The following ADAM29 variants were observed in gnomAD, a reference collection of about 807,000 sequenced individuals.
ADAM29 encodes the protein disintegrin and metalloproteinase domain-containing protein 29.
For missense variants in ADAM29, 969 were observed against 1,001.8 expected (o/e 0.97, Z 0.44); for synonymous variants, 367 against 342.3 (o/e 1.07, Z -0.80).
At chr4:174,923,525 G>GTGTATATATATATA (rs1447408794) in intron 2 of ADAM29, among the ~76,000 whole-genome samples, 114 of 96,606 alleles carry the variant, frequency 1.2e-3, no homozygotes, top group Middle Eastern at 6.4e-3. Context: ...TGCATTATAT[G>GTGTATATATATATA]TATATATATA....
At chr4:174,969,720 T>A (rs1579078500) in intron 4 of ADAM29, among the ~76,000 whole-genome samples, 1 of 152,208 alleles carries the variant, frequency 6.6e-6, no homozygotes, top group East Asian at 1.9e-4. Context: ...AGTATTTTGA[T>A]GTGTCAGTTA....
At chr4:174,970,285 A>G (rs1222461249) in intron 4 of ADAM29, among the ~76,000 whole-genome samples, 4 of 152,140 alleles carry the variant, frequency 2.6e-5, no homozygotes, top group Admixed American at 1.3e-4. Context: ...TTGCAGATGG[A>G]ATCAAGGTTG....
At chr4:174,934,102 CT>C (rs1744066599) in intron 3 of ADAM29, among the ~76,000 whole-genome samples, 1 of 152,074 alleles carries the variant, frequency 6.6e-6, no homozygotes, top group Admixed American at 6.6e-5. Context: ...ACAGTGTTCC[CT>C]TTTCTCTGCA....
At chr4:174,970,009 C>T (rs1746383317) in intron 4 of ADAM29, among the ~76,000 whole-genome samples, 1 of 152,048 alleles carries the variant, frequency 6.6e-6, no homozygotes, top group African/African-American at 2.4e-5. Flanking sequence ...CCTGTCTCCA[C>T]ATCCTCACTG....
intron 4 of ADAM29, among the ~76,000 whole-genome samples, chr4:174,958,503 A>C (rs2111048690): frequency 6.6e-6 from 1 of 151,798 alleles, no homozygotes; most frequent in East Asian, 1.9e-4. Context: ...ATCTTCCTCC[A>C]TCCTTTTAAT....
At chr4:174,958,732 T>A (rs1215631767) in intron 4 of ADAM29, among the ~76,000 whole-genome samples, 1 of 151,884 alleles carries the variant, frequency 6.6e-6, no homozygotes, top group African/African-American at 2.4e-5. Context: ...TCTACTTTTT[T>A]TGTTTTAATT....
intron 4 of ADAM29, among the ~76,000 whole-genome samples, chr4:174,968,261 A>T (rs1230595986): frequency 1.3e-5 from 2 of 152,108 alleles, no homozygotes; most frequent in African/African-American, 4.8e-5. Flanking sequence ...TAATCCAAAG[A>T]CCTATCAAGC....
intron 3 of ADAM29, among the ~76,000 whole-genome samples, chr4:174,932,174 C>A (rs906836746): frequency 6.6e-6 from 1 of 152,008 alleles, no homozygotes; most frequent in South Asian, 2.1e-4. Flanking sequence ...GTAATCCCAG[C>A]TACTCGAGAG....
chr4:174,964,042 A>G (rs1746013025), intron 4 of ADAM29, among the ~76,000 whole-genome samples: 1 of 152,080 alleles, frequency 6.6e-6, no homozygotes, highest in South Asian at 2.1e-4. Context: ...GACTCAATTA[A>G]TGGGTCATTT....
chr4:174,965,324 A>G (rs1250656288), intron 4 of ADAM29, among the ~76,000 whole-genome samples: 1 of 152,072 alleles, frequency 6.6e-6, no homozygotes, highest in African/African-American at 2.4e-5. Flanking sequence ...CTTAACAGTG[A>G]GAACTCACTC....
intron 4 of ADAM29, among the ~76,000 whole-genome samples, chr4:174,966,261 A>T (rs1746152824): frequency 6.6e-6 from 1 of 152,200 alleles, no homozygotes; most frequent in Non-Finnish European, 1.5e-5. Context: ...ATGGATGTGG[A>T]ACCCACAGAT....
intron 4 of ADAM29, among the ~76,000 whole-genome samples, chr4:174,937,840 A>G (rs1744289870): frequency 6.6e-6 from 1 of 152,064 alleles, no homozygotes; most frequent in Non-Finnish European, 1.5e-5. Context: ...CTGCCACACC[A>G]CTTGAATAAG....
chr4:174,976,628 A>G lies in ADAM29; in HGVS notation c.1103A>G (p.Asn368Ser). 6.2e-7 allele frequency: 1 copy of G among 1,612,404 alleles called. No individual in the cohort carries two copies. The highest frequency in any genetic ancestry group is 8.5e-7 in the Non-Finnish European group (1 of 1,179,174). ...EGNPPITKFSNCSYGDFWEYT... is the reference protein window; with the variant it reads ...EGNPPITKFSSCSYGDFWEYT... The stretch of plus-strand genomic sequence containing the variant: ...AACCCACCAATAACTAAATTTAGCA[A>G]TTGTAGTTATGGTGATTTTTGGGAA... The change falls in exon 5 of 5, where the codon AAT becomes AGT. Residue 368 changes from asparagine to serine, a missense_variant. Asn to Ser is a conservative substitution (Grantham distance 46). Coordinates refer to ENST00000359240, the MANE Select transcript of ADAM29 (RefSeq NM_014269.4).
intron 2 of ADAM29, among the ~76,000 whole-genome samples, chr4:174,928,487 A>G (rs1231842808): frequency 3.3e-5 from 5 of 149,916 alleles, no homozygotes; most frequent in Admixed American, 6.7e-5. Context: ...CTGCATTGTA[A>G]GACCCATGGG....
At chr4:174,966,879 A>C (rs1050446777) in intron 4 of ADAM29, among the ~76,000 whole-genome samples, 4 of 152,174 alleles carry the variant, frequency 2.6e-5, no homozygotes, top group African/African-American at 9.7e-5. Context: ...TAAAAATAGA[A>C]ATCCAAGAGC....
intron 4 of ADAM29, among the ~76,000 whole-genome samples, chr4:174,937,835 A>G (rs1042292449): frequency 6.6e-6 from 1 of 152,106 alleles, no homozygotes; most frequent in Non-Finnish European, 1.5e-5. Flanking sequence ...AGTGCCTGCC[A>G]CACCACTTGA....
At chr4:174,928,569 T>A (rs372648224) in intron 2 of ADAM29, among the ~76,000 whole-genome samples, 4 of 131,816 alleles carry the variant, frequency 3.0e-5, no homozygotes, top group Admixed American at 1.6e-4. Context: ...GTCATGTGCT[T>A]AAAAAAAAAA....
At chr4:174,959,642 A>G (rs952618362) in intron 4 of ADAM29, among the ~76,000 whole-genome samples, 2 of 151,588 alleles carry the variant, frequency 1.3e-5, no homozygotes, top group East Asian at 3.9e-4. Flanking sequence ...ATAAATTTTT[A>G]ATATTTCTCC....
At chr4:174,938,680 A>T (rs979754558) in intron 4 of ADAM29, among the ~76,000 whole-genome samples, 3 of 152,160 alleles carry the variant, frequency 2.0e-5, no homozygotes, top group East Asian at 1.9e-4. Context: ...AGATCATCTG[A>T]ATATCTTGAC....
Sources: allele counts gnomAD v4.1 joint callset (sites outside exome capture counted in the v4.1 genomes callset), GRCh38; gene constraint gnomAD v4.1.1; transcripts MANE v1.5; gene names NCBI Gene and HGNC (gene_info 2026-07-23, HGNC 2026-07-21).